The following SERINC5 variants were observed in gnomAD, a reference collection of about 807,000 sequenced individuals.
SERINC5 encodes the protein chromosome 5 open reading frame 12.
SERINC5 carries 41 observed loss-of-function variants against 63.1 expected under a neutral mutation model. The observed-to-expected ratio is 0.65, with a 90% CI of 0.51 to 0.84. The LOEUF is 0.84. SERINC5 is among the 40% of genes least tolerant of loss of function. The probability of loss-of-function intolerance (pLI) is 0.00; values close to 1 mark genes in which losing one functional copy is unlikely to be tolerated. For missense variants in SERINC5, 523 were observed against 573.0 expected (o/e 0.91, Z 0.89); for synonymous variants, 222 against 215.2 (o/e 1.03, Z -0.28).
chr5:80,228,926 G>T (rs918419052), intron 1 of SERINC5, among the ~76,000 whole-genome samples: 3 of 151,504 alleles, frequency 2.0e-5, no homozygotes, highest in African/African-American at 7.3e-5. Context: ...AAAGAAAAAG[G>T]TGGAAAACAA....
At chr5:80,206,209 T>C (rs765490047) in intron 1 of SERINC5, among the ~76,000 whole-genome samples, 1 of 152,216 alleles carries the variant, frequency 6.6e-6, no homozygotes, top group Non-Finnish European at 1.5e-5. Flanking sequence ...TTCAATCTTT[T>C]GATAATGATT....
chr5:80,207,384 C>T lies in SERINC5; in HGVS notation c.28-4331G>A, dbSNP rs151307772. On this transcript the variant is annotated intron_variant, in intron 1 of 11. Transcript: ENST00000507668. ...ATAAGTATTTTGGAAACAGTTAATG[C>T]CTCCCACAATAAAACATTCCCACAG... Among the ~76,000 whole-genome samples the T allele has an allele frequency of 2.8e-4, 42 of 152,264 alleles. No individual in the cohort carries two copies. In the East Asian group the frequency reaches 7.5e-3, roughly 27 times the overall value.
chr5:80,128,033 T>C (rs1287723366), intron 11 of SERINC5, among the ~76,000 whole-genome samples: 1 of 152,226 alleles, frequency 6.6e-6, no homozygotes, highest in East Asian at 1.9e-4. Context: ...TCTTATAAAT[T>C]TTTACTAATA....
At chr5:80,165,309 T>C (rs1467865185) in intron 7 of SERINC5, among the ~76,000 whole-genome samples, 1 of 152,194 alleles carries the variant, frequency 6.6e-6, no homozygotes, top group African/African-American at 2.4e-5. Flanking sequence ...TATGTGTATA[T>C]GCTAAAACTT....
downstream of SERINC5, among the ~76,000 whole-genome samples, chr5:80,133,758 G>A (rs1369632569): frequency 2.6e-5 from 4 of 152,204 alleles, no homozygotes; most frequent in African/African-American, 4.8e-5. Flanking sequence ...TCATCTGTAC[G>A]GGAGACTGGA....
chr5:80,168,175 G>A (rs1747425116), intron 6 of SERINC5, among the ~76,000 whole-genome samples: 1 of 151,022 alleles, frequency 6.6e-6, no homozygotes, highest in Non-Finnish European at 1.5e-5. Context: ...TTTAATAGAA[G>A]AAAACAAATT....
rs1248214431 is a variant in SERINC5 at position 80,151,669 on chromosome 5, C to T, written c.987-721G>A. On this transcript the variant is annotated intron_variant, in intron 8 of 11. Coordinates refer to ENST00000507668, the MANE Select transcript of SERINC5 (RefSeq NM_001174072.3). Reference sequence around the variant, plus strand: ...ATCTCTACAAAACAAAAACACAGAACATTTTAAGCAAATATATACAATACT... The same window carrying T: ...ATCTCTACAAAACAAAAACACAGAATATTTTAAGCAAATATATACAATACT... Among the ~76,000 whole-genome samples the T allele has an allele frequency of 4.6e-5, 7 of 152,272 alleles. No individual in the cohort carries two copies. In the East Asian group the frequency reaches 1.4e-3, roughly 29 times the overall value.
chr5:80,124,173 C>G (rs1348952900), intron 11 of SERINC5, among the ~76,000 whole-genome samples: 1 of 152,114 alleles, frequency 6.6e-6, no homozygotes, highest in Non-Finnish European at 1.5e-5. Flanking sequence ...CCCAAATGGC[C>G]AGGACTCGAT....
chr5:80,170,022 G>A (rs1176874476), intron 5 of SERINC5, among the ~76,000 whole-genome samples: 1 of 152,148 alleles, frequency 6.6e-6, no homozygotes, highest in Non-Finnish European at 1.5e-5. Flanking sequence ...AGGAAAAGGG[G>A]GCAGGTGGTG....
intron 1 of SERINC5, among the ~76,000 whole-genome samples, chr5:80,226,793 C>G (rs1390281285): frequency 6.6e-6 from 1 of 152,158 alleles, no homozygotes; most frequent in East Asian, 1.9e-4. Flanking sequence ...GTCCTCAGTT[C>G]TTAGCATGGA....
At chr5:80,226,043 G>A (rs200732091) in intron 1 of SERINC5, among the ~76,000 whole-genome samples, 3 of 145,736 alleles carry the variant, frequency 2.1e-5, no homozygotes, top group East Asian at 2.0e-4. Flanking sequence ...CTCCCCAAAG[G>A]AAAAAAAAAA....
chr5:80,155,054 T>C (rs1284830835), intron 8 of SERINC5, among the ~76,000 whole-genome samples: 1 of 152,192 alleles, frequency 6.6e-6, no homozygotes, highest in Non-Finnish European at 1.5e-5. Flanking sequence ...GAGCTACAGG[T>C]ATAGGCTCCA....
intron 1 of SERINC5, among the ~76,000 whole-genome samples, chr5:80,226,590 T>C (rs4704642): frequency 0.6 from 91,129 of 152,026 alleles, 27,597 homozygotes; most frequent in African/African-American, 0.67. Context: ...TGCTGCCCCT[T>C]GTGAGGGCTA....
At chr5:80,116,336 T>C (rs1423215012) in intron 11 of SERINC5, 2 of 455,996 alleles carry the variant, frequency 4.4e-6, no homozygotes, top group Non-Finnish European at 8.8e-6. Flanking sequence ...GGGAACAAAA[T>C]AGAAATCAAA....
At chr5:80,202,165 G>T (rs1054052005) in intron 2 of SERINC5, among the ~76,000 whole-genome samples, 3 of 152,058 alleles carry the variant, frequency 2.0e-5, no homozygotes, top group Non-Finnish European at 4.4e-5. Context: ...TTGAACCTGG[G>T]AGGTGGAGGT....
intron 6 of SERINC5, among the ~76,000 whole-genome samples, chr5:80,169,129 C>T (rs948043785): frequency 6.6e-6 from 1 of 152,124 alleles, no homozygotes; most frequent in African/African-American, 2.4e-5. Context: ...AGGTCTTTCT[C>T]GACATGAGAA....
intron 5 of SERINC5, among the ~76,000 whole-genome samples, chr5:80,174,632 G>C (rs766573807): frequency 6.6e-6 from 1 of 151,864 alleles, no homozygotes; most frequent in Admixed American, 6.6e-5. Flanking sequence ...GGCCAGGTGC[G>C]GTGGCTCGAG....
In SERINC5 at chr5:80,143,723, C is replaced by T; in HGVS notation, c.1326G>A (p.Leu442=). 6.5e-7 allele frequency: 1 copy of T among 1,536,160 alleles called. No homozygotes were observed. Among genetic ancestry groups the T allele is most frequent in the Non-Finnish European group, 8.7e-7 (1 of 1,146,896 alleles). Residue 442 remains leucine, a synonymous_variant, in exon 12 of 12, where the codon CTG becomes CTA. Coordinates refer to ENST00000507668, the MANE Select transcript of SERINC5 (RefSeq NM_001174072.3). ...GAGCGACCAGCGTACACAGGTACAA[C>T]AGCACGCATATCCAGCAGGAGGCCA... ...VKMASCWICV[L]LYLCTLVAPL...
intron 2 of SERINC5, among the ~76,000 whole-genome samples, chr5:80,185,808 T>C (rs554941571): frequency 1.4e-4 from 21 of 152,156 alleles, no homozygotes; most frequent in African/African-American, 5.1e-4. Context: ...CCATTTACAC[T>C]TCTTTTGTGG....
Sources: allele counts gnomAD v4.1 joint callset (sites outside exome capture counted in the v4.1 genomes callset), GRCh38; gene constraint gnomAD v4.1.1; transcripts MANE v1.5; gene names NCBI Gene and HGNC (gene_info 2026-07-23, HGNC 2026-07-21).